Variants in PNKD observed in about 807,000 individuals in gnomAD.
PNKD encodes the protein PNKD metallo-beta-lactamase domain containing.
A neutral mutation model predicts 45.3 loss-of-function variants in PNKD; 36 were observed. The ratio of observed to expected loss-of-function variants is 0.80; its 90% CI spans 0.61 to 1.05. The LOEUF is 1.05. Among genes scored for constraint, PNKD ranks in the 50% least tolerant of loss-of-function variants. The pLI is 0.00. For synonymous variants in PNKD, 197 were observed against 210.1 expected, an observed-to-expected ratio of 0.94 and a Z score of 0.54; for missense variants, 511 against 506.6, an observed-to-expected ratio of 1.01 and a Z score of -0.08.
At chr2:218,320,228 CT>C (rs755824674) in intron 2 of PNKD, among the ~76,000 whole-genome samples, 1 of 152,050 alleles carries the variant, frequency 6.6e-6, no homozygotes, top group Non-Finnish European at 1.5e-5. Flanking sequence ...CTCTTTTTTG[CT>C]TTTATTACTA....
chr2:218,299,733 T>C (rs1481030099), intron 2 of PNKD, among the ~76,000 whole-genome samples: 1 of 151,696 alleles, frequency 6.6e-6, no homozygotes, highest in Admixed American at 6.6e-5. Flanking sequence ...GTGATTCTCC[T>C]GCCTCAGCCT....
chr2:218,325,663 T>G (rs766191187), intron 2 of PNKD, among the ~76,000 whole-genome samples: 6 of 152,212 alleles, frequency 3.9e-5, no homozygotes, highest in Non-Finnish European at 7.3e-5. Flanking sequence ...AATAGAAGTT[T>G]CCATAAGGAA....
In PNKD at chr2:218,340,167, G is replaced by T. The variant is rs1483929816; in HGVS notation, c.465+26G>T. 6 of 1,435,666 alleles carry T rather than the reference G, an allele frequency of 4.2e-6. No individual in the cohort carries two copies. Among genetic ancestry groups the T allele is most frequent in the Non-Finnish European group, 4.9e-6 (5 of 1,019,246 alleles). 88.9% of individuals were successfully genotyped at this position (1,435,666 alleles called of 1,614,324 possible). The stretch of plus-strand genomic sequence containing the variant: ...GTGAGGGGAGGGCAGGGAGCAGGGG[G>T]TGCCTGGAGTCACCTTGGGGACTGG... On this transcript the variant is annotated intron_variant, in intron 4 of 9. Coordinates refer to ENST00000273077, the MANE Select transcript of PNKD (RefSeq NM_015488.5). This position sits in a 1 kb window ranked among gnomAD's most constrained non-coding sequence, Gnocchi z 4.2.
intron 2 of PNKD, among the ~76,000 whole-genome samples, chr2:218,281,344 C>T (rs150992373): frequency 8.1e-4 from 123 of 152,106 alleles, no homozygotes; most frequent in Admixed American, 1.5e-3. Flanking sequence ...GCCATGTTGG[C>T]CAGGCTGGTC....
chr2:218,346,061 G>C lies in PNKD; in HGVS notation c.*1080G>C, dbSNP rs1413716431. ...TGGCAGGAGGGGGCTCTGACGTGCA[G>C]GTTGGAAATCAGAAGTCTGTGAGAG... On this transcript the variant is annotated 3_prime_UTR_variant, in exon 10 of 10. Transcript: ENST00000273077. 6.6e-6 allele frequency: 1 copy of C among 152,376 alleles called. No individual in the cohort carries two copies. The highest frequency in any genetic ancestry group is 2.4e-5 in the African/African-American group (1 of 41,450). 9.4% of individuals were successfully genotyped at this position (152,376 alleles called of 1,614,324 possible).
chr2:218,322,975 G>C (rs1870123), intron 2 of PNKD, among the ~76,000 whole-genome samples: 13 of 151,950 alleles, frequency 8.6e-5, no homozygotes, highest in Non-Finnish European at 1.8e-4. Flanking sequence ...CCCCTTCCCA[G>C]GGCTCAGGCG....
intron 2 of PNKD, among the ~76,000 whole-genome samples, chr2:218,308,302 T>G (rs888254646): frequency 2.7e-5 from 4 of 149,672 alleles, no homozygotes; most frequent in African/African-American, 9.8e-5. Flanking sequence ...TTTTCCTGCC[T>G]CAGCCTCCTG....
rs1270535205 is a variant in PNKD, at chr2:218,345,101, C to G, written c.*120C>G. On this transcript the variant is annotated 3_prime_UTR_variant, in exon 10 of 10. Coordinates refer to ENST00000273077, the MANE Select transcript of PNKD (RefSeq NM_015488.5). ...CCATCGGCACCCAAGCGGGCATCAT[C>G]CCCCCACACTGCTCAGGGGAGGGGA... 5.4e-6 allele frequency: 4 copies of G among 745,010 alleles called. No individual in the cohort carries two copies. The highest frequency in any genetic ancestry group is 8.8e-6 in the Non-Finnish European group (4 of 453,398). 46.1% of individuals were successfully genotyped at this position (745,010 alleles called of 1,614,324 possible).
intron 2 of PNKD, among the ~76,000 whole-genome samples, chr2:218,318,423 A>T (rs1420264286): frequency 1.3e-5 from 2 of 152,172 alleles, no homozygotes; most frequent in African/African-American, 4.8e-5. Context: ...CTCTGATATT[A>T]TGAAGCGCCT....
rs563628131 is a variant in PNKD, at chr2:218,309,719, G to A, written c.237-30064G>A. On this transcript the variant is annotated intron_variant, in intron 2 of 9. Transcript: ENST00000273077. ...GGCCGAGGTGGGAGGATCATTTGACGTCAGGAGTTTGAGATCAGCCTGGCC... is the reference window on the plus strand; with the variant it reads ...GGCCGAGGTGGGAGGATCATTTGACATCAGGAGTTTGAGATCAGCCTGGCC... Among the ~76,000 whole-genome samples the A allele has an allele frequency of 1.8e-3, 277 of 151,840 alleles. 1 individual carries two copies. Among genetic ancestry groups the A allele is most frequent in the African/African-American group, 6.3e-3 (260 of 41,412 alleles).
chr2:218,294,489 C>A (rs979171024), intron 2 of PNKD, among the ~76,000 whole-genome samples: 2 of 152,190 alleles, frequency 1.3e-5, no homozygotes, highest in African/African-American at 4.8e-5. Flanking sequence ...ACACCGCCCC[C>A]CCACCAGCCT....
intron 2 of PNKD, among the ~76,000 whole-genome samples, chr2:218,322,056 A>T (rs1694001499): frequency 6.7e-6 from 1 of 148,912 alleles, no homozygotes; most frequent in Non-Finnish European, 1.5e-5. Context: ...CCGAGTAGCT[A>T]GGATTACAGG....
At chr2:218,289,109 G>C (rs917201102) in intron 2 of PNKD, among the ~76,000 whole-genome samples, 4 of 152,232 alleles carry the variant, frequency 2.6e-5, no homozygotes, top group African/African-American at 4.8e-5. Flanking sequence ...ACGCACCTGC[G>C]TGAATAGGCA....
At chr2:218,303,021 C>A (rs1693312046) in intron 2 of PNKD, among the ~76,000 whole-genome samples, 1 of 152,156 alleles carries the variant, frequency 6.6e-6, no homozygotes, top group Non-Finnish European at 1.5e-5. Context: ...CTCACTGCAA[C>A]TTCTGCCTGC....
At chr2:218,320,403 G>T (rs1313462426) in intron 2 of PNKD, among the ~76,000 whole-genome samples, 2 of 152,184 alleles carry the variant, frequency 1.3e-5, no homozygotes, top group African/African-American at 4.8e-5. Context: ...TGCTCTTCTA[G>T]CTATTTGAAA....
At chr2:218,343,233 G>A (rs1574722064) in intron 7 of PNKD, among the ~76,000 whole-genome samples, 1 of 152,200 alleles carries the variant, frequency 6.6e-6, no homozygotes, top group Non-Finnish European at 1.5e-5. Flanking sequence ...CCAAGCCTGG[G>A]GCCTGCAGCC....
At chr2:218,333,812 A>AT (rs1298007706) in intron 2 of PNKD, among the ~76,000 whole-genome samples, 1 of 151,592 alleles carries the variant, frequency 6.6e-6, no homozygotes, top group East Asian at 1.9e-4. Flanking sequence ...ATTTAATTTT[A>AT]TTTTTTAACT....
chr2:218,277,704 TAAAA>T, intron 2 of PNKD: 1 of 1,613,506 alleles, frequency 6.2e-7, no homozygotes, highest in Non-Finnish European at 8.5e-7. Flanking sequence ...ATGAAACACT[TAAAA>T]AGGAAGGAAG....
At chr2:218,305,569 C>A (rs187493292) in intron 2 of PNKD, among the ~76,000 whole-genome samples, 3 of 151,472 alleles carry the variant, frequency 2.0e-5, no homozygotes, top group Admixed American at 1.3e-4. Context: ...CCAGGCTGGT[C>A]TTGAATTTCT....
Sources: allele counts gnomAD v4.1 joint callset (sites outside exome capture counted in the v4.1 genomes callset), GRCh38; gene constraint gnomAD v4.1.1; non-coding constraint Gnocchi (gnomAD v3.1); transcripts MANE v1.5; gene names NCBI Gene and HGNC (gene_info 2026-07-23, HGNC 2026-07-21).